The following NDUFS4 variants were observed in gnomAD, a reference collection of about 807,000 sequenced individuals.
NDUFS4 encodes the protein NADH:ubiquinone oxidoreductase subunit S4.
Under a neutral mutation model 24.3 loss-of-function variants are expected in NDUFS4, and 28 were observed. That is an observed-to-expected ratio of 1.15 (90% CI 0.85 to 1.58). The LOEUF (loss-of-function observed/expected upper bound fraction) is 1.58, where lower values mean the gene tolerates loss of function less well. Among genes scored for constraint, NDUFS4 ranks in the 40% most tolerant of loss-of-function variants. The probability of loss-of-function intolerance (pLI) is 0.00; values close to 1 mark genes in which losing one functional copy is unlikely to be tolerated. For missense variants in NDUFS4, 223 were observed against 207.9 expected, an observed-to-expected ratio of 1.07 and a Z score of -0.45; for synonymous variants, 93 against 69.7, an observed-to-expected ratio of 1.34 and a Z score of -1.67.
At chr5:53,589,641 T>C (rs1749880545) in intron 1 of NDUFS4, among the ~76,000 whole-genome samples, 1 of 152,156 alleles carries the variant, frequency 6.6e-6, no homozygotes. Context: ...GATTGAAGGA[T>C]GCAAAGTATT....
intron 1 of NDUFS4, among the ~76,000 whole-genome samples, chr5:53,566,608 C>T (rs1749035387): frequency 6.6e-6 from 1 of 152,072 alleles, no homozygotes. Flanking sequence ...TTCCAGGACT[C>T]CTCAAGGACA....
chr5:53,630,728 A>G (rs1468805537), intron 2 of NDUFS4, among the ~76,000 whole-genome samples: 1 of 152,042 alleles, frequency 6.6e-6, no homozygotes, highest in Non-Finnish European at 1.5e-5. Flanking sequence ...TTTCAGCTCT[A>G]TCAGGTCATG....
intron 1 of NDUFS4, among the ~76,000 whole-genome samples, chr5:53,563,001 G>A (rs1479083306): frequency 1.3e-5 from 2 of 151,962 alleles, no homozygotes; most frequent in African/African-American, 2.4e-5. Flanking sequence ...AGGCCGAGGC[G>A]GGCAGATCAC....
At chr5:53,651,411 CT>C (rs1752011729) in intron 3 of NDUFS4, among the ~76,000 whole-genome samples, 1 of 151,830 alleles carries the variant, frequency 6.6e-6, no homozygotes, top group Admixed American at 6.6e-5. Context: ...TATCACTTAA[CT>C]AAGAAATAAA....
intron 1 of NDUFS4, among the ~76,000 whole-genome samples, chr5:53,571,692 A>G (rs988380951): frequency 6.6e-6 from 1 of 152,106 alleles, no homozygotes; most frequent in Non-Finnish European, 1.5e-5. Flanking sequence ...CAACTTTGTT[A>G]TTATCTATCT....
chr5:53,578,476 C>G lies in NDUFS4; in HGVS notation c.98+17716C>G, dbSNP rs181579092. Among the ~76,000 whole-genome samples, 669 of 152,236 alleles carry G rather than the reference C, an allele frequency of 4.4e-3. 3 individuals are homozygous for G. The highest frequency in any genetic ancestry group is 0.01 in the Middle Eastern group (3 of 294). Reference sequence around the variant, plus strand: ...TCTTACCCTTCTCATACTTGAGCTACTCTATTGGACCCGTCATGTCAGTCT... The same window carrying G: ...TCTTACCCTTCTCATACTTGAGCTAGTCTATTGGACCCGTCATGTCAGTCT... On this transcript the variant is annotated intron_variant, in intron 1 of 4. Coordinates refer to ENST00000296684, the MANE Select transcript of NDUFS4 (RefSeq NM_002495.4).
chr5:53,627,477 G>A (rs1049618670), intron 2 of NDUFS4, among the ~76,000 whole-genome samples: 1 of 152,166 alleles, frequency 6.6e-6, no homozygotes, highest in African/African-American at 2.4e-5. Context: ...TGGGCAGTAT[G>A]TTTATTTTCA....
intron 1 of NDUFS4, among the ~76,000 whole-genome samples, chr5:53,589,801 A>G (rs531291141): frequency 1.3e-5 from 2 of 152,270 alleles, no homozygotes; most frequent in East Asian, 3.9e-4. Flanking sequence ...AAAAACATGG[A>G]AAGACTAGAC....
intron 4 of NDUFS4, among the ~76,000 whole-genome samples, chr5:53,661,428 G>A (rs1391052207): frequency 2.0e-5 from 3 of 152,166 alleles, no homozygotes; most frequent in African/African-American, 2.4e-5. Flanking sequence ...TTGAAGTCAG[G>A]TAGCTTGATG....
chr5:53,652,257 G>GT (rs890529241), intron 3 of NDUFS4, among the ~76,000 whole-genome samples: 345 of 148,726 alleles, frequency 2.3e-3, no homozygotes, highest in African/African-American at 7.4e-3. Flanking sequence ...CTTTGGAAGG[G>GT]TTTTTTTTTT....
chr5:53,586,721 C>T (rs1328447050), intron 1 of NDUFS4, among the ~76,000 whole-genome samples: 3 of 152,024 alleles, frequency 2.0e-5, no homozygotes, highest in Non-Finnish European at 2.9e-5. Context: ...GACGGGGTTT[C>T]ACCGTGTTAG....
intron 2 of NDUFS4, among the ~76,000 whole-genome samples, chr5:53,622,993 T>C (rs947844095): frequency 2.0e-5 from 3 of 152,196 alleles, no homozygotes; most frequent in Admixed American, 2.0e-4. Context: ...CCATTTTATG[T>C]GTATATCACA....
intron 1 of NDUFS4, among the ~76,000 whole-genome samples, chr5:53,594,099 G>A (rs1472543705): frequency 6.6e-6 from 1 of 152,096 alleles, no homozygotes; most frequent in African/African-American, 2.4e-5. Flanking sequence ...ATTCTTAACT[G>A]ATACTCTGTC....
chr5:53,657,133 T>G (rs1752185156), intron 3 of NDUFS4, among the ~76,000 whole-genome samples: 1 of 152,216 alleles, frequency 6.6e-6, no homozygotes, highest in Non-Finnish European at 1.5e-5. Flanking sequence ...TTGTTTCTTA[T>G]TCTCAACTAA....
Position 53,577,609 on chromosome 5 carries a change from C to T in NDUFS4, c.98+16849C>T, listed in dbSNP as rs148403555. Among the ~76,000 whole-genome samples, 14 of 151,820 alleles carry T rather than the reference C, an allele frequency of 9.2e-5. No individual in the cohort carries two copies. In the East Asian group the frequency reaches 2.7e-3, roughly 29 times the overall value. ...AAGTAAACATCTAATTTTAGATGGTCTCTTGGTGATTATATTATAGTTTGA... is the reference window on the plus strand; with the variant it reads ...AAGTAAACATCTAATTTTAGATGGTTTCTTGGTGATTATATTATAGTTTGA... On this transcript the variant is annotated intron_variant, in intron 1 of 4. Coordinates refer to ENST00000296684, the MANE Select transcript of NDUFS4 (RefSeq NM_002495.4).
chr5:53,671,104 A>G (rs1740211919), intron 4 of NDUFS4, among the ~76,000 whole-genome samples: 2 of 152,004 alleles, frequency 1.3e-5, no homozygotes, highest in South Asian at 4.1e-4. Flanking sequence ...CGTACTATAT[A>G]CCTATAGTAT....
chr5:53,649,627 C>G (rs1208711466), intron 3 of NDUFS4, among the ~76,000 whole-genome samples: 2 of 152,082 alleles, frequency 1.3e-5, no homozygotes, highest in African/African-American at 4.8e-5. Flanking sequence ...TAGGTTGATT[C>G]CTTGACTTTG....
At chr5:53,585,935 C>A (rs1749738581) in intron 1 of NDUFS4, among the ~76,000 whole-genome samples, 1 of 151,910 alleles carries the variant, frequency 6.6e-6, no homozygotes, top group African/African-American at 2.4e-5. Context: ...AGCAAATTGC[C>A]AAGTACATTA....
At chr5:53,637,828 A>G (rs1561378952) in intron 2 of NDUFS4, among the ~76,000 whole-genome samples, 1 of 152,148 alleles carries the variant, frequency 6.6e-6, no homozygotes, top group Non-Finnish European at 1.5e-5. Flanking sequence ...ATAATCTGAA[A>G]GTTACCAGAA....
Sources: allele counts gnomAD v4.1 joint callset (sites outside exome capture counted in the v4.1 genomes callset), GRCh38; gene constraint gnomAD v4.1.1; transcripts MANE v1.5; gene names NCBI Gene and HGNC (gene_info 2026-07-23, HGNC 2026-07-21).